The following PPM1E variants were observed in gnomAD, a reference collection of about 807,000 sequenced individuals.
PPM1E encodes the protein protein phosphatase, Mg2+/Mn2+ dependent 1E, also known as protein phosphatase 1E.
Under a neutral mutation model 65.9 loss-of-function variants are expected in PPM1E, and 20 were observed. The ratio of observed to expected loss-of-function variants is 0.30; its 90% CI spans 0.21 to 0.44. PPM1E has a LOEUF of 0.44. Among genes scored for constraint, PPM1E ranks in the 20% least tolerant of loss-of-function variants. PPM1E has a pLI of 1.00. For missense variants in PPM1E, 713 were observed against 953.1 expected (o/e 0.75, Z 3.32); for synonymous variants, 352 against 374.9 (o/e 0.94, Z 0.70).
intron 3 of PPM1E, 163 bp downstream of exon 3, chr17:58,966,056 C>G: frequency 2.9e-6 from 2 of 688,424 alleles, no homozygotes; most frequent in Non-Finnish European, 4.8e-6. Flanking sequence ...AGAAAAGGAA[C>G]TATTTTACGT....
chr17:58,948,394 C>T (rs1234845653), intron 1 of PPM1E, among the ~76,000 whole-genome samples: 1 of 152,052 alleles, frequency 6.6e-6, no homozygotes, highest in African/African-American at 2.4e-5. Flanking sequence ...TAGGCTGAAG[C>T]TTGAGGTCCA....
At chr17:58,919,444 C>T (rs1046692023) in intron 1 of PPM1E, among the ~76,000 whole-genome samples, 1 of 152,118 alleles carries the variant, frequency 6.6e-6, no homozygotes, top group African/African-American at 2.4e-5. Context: ...AATGACATAA[C>T]TAATTTTAAA....
chr17:58,771,616 C>A (rs1210131039), intron 1 of PPM1E, among the ~76,000 whole-genome samples: 2 of 144,300 alleles, frequency 1.4e-5, no homozygotes, highest in Non-Finnish European at 3.0e-5. Flanking sequence ...AGTGAGACTC[C>A]ATCTCAAAAA....
At chr17:58,934,526 T>G (rs763873672) in intron 1 of PPM1E, among the ~76,000 whole-genome samples, 17 of 152,188 alleles carry the variant, frequency 1.1e-4, no homozygotes, top group Non-Finnish European at 2.1e-4. Context: ...AGCAAATATG[T>G]ATTGAGCACT....
At chr17:58,793,805 T>A (rs1045232596) in intron 1 of PPM1E, among the ~76,000 whole-genome samples, 2 of 152,186 alleles carry the variant, frequency 1.3e-5, no homozygotes, top group Non-Finnish European at 2.9e-5. Context: ...TCCACATCGA[T>A]AAGTAGAATT....
chr17:58,967,444 C>T (rs932363578), intron 3 of PPM1E, among the ~76,000 whole-genome samples: 1 of 150,310 alleles, frequency 6.7e-6, no homozygotes, highest in Admixed American at 6.7e-5. Context: ...ATAAAAATGA[C>T]GAAAAGTAGG....
At chr17:58,891,806 A>G (rs940246058) in intron 1 of PPM1E, among the ~76,000 whole-genome samples, 3 of 123,808 alleles carry the variant, frequency 2.4e-5, no homozygotes, top group Non-Finnish European at 5.3e-5. Flanking sequence ...CAGTTTTTCT[A>G]TTATGTTTTA....
chr17:58,900,567 T>C (rs1003534304), intron 1 of PPM1E, among the ~76,000 whole-genome samples: 1 of 152,230 alleles, frequency 6.6e-6, no homozygotes, highest in Admixed American at 6.5e-5. Context: ...AGCTTTTATA[T>C]GCCCTGGGAA....
chr17:58,913,291 G>A (rs1036508274), intron 1 of PPM1E, among the ~76,000 whole-genome samples: 1 of 152,152 alleles, frequency 6.6e-6, no homozygotes, highest in Non-Finnish European at 1.5e-5. Context: ...AATGTGTTGA[G>A]TGTTGAGAGT....
At chr17:58,785,487 T>TATATATATATATATATATAGATAGATAG (rs1555609827) in intron 1 of PPM1E, 1 of 132,210 alleles carries the variant, frequency 7.6e-6, no homozygotes, top group African/African-American at 2.8e-5. Flanking sequence ...TATATATATA[T>TATATATATATATATATATAGATAGATAG]ATAGTAGAAC....
At chr17:58,862,766 A>G (rs1164318300) in intron 1 of PPM1E, among the ~76,000 whole-genome samples, 1 of 152,210 alleles carries the variant, frequency 6.6e-6, no homozygotes, top group Non-Finnish European at 1.5e-5. Flanking sequence ...TTAGGGCCCC[A>G]ATGAGTTAAA....
chr17:58,870,193 C>T (rs188677376), intron 1 of PPM1E, among the ~76,000 whole-genome samples: 4 of 152,098 alleles, frequency 2.6e-5, no homozygotes, highest in African/African-American at 9.7e-5. Flanking sequence ...GAAGAAGGAG[C>T]TGAAGGAGAA....
chr17:58,798,958 G>C (rs927318559), intron 1 of PPM1E, among the ~76,000 whole-genome samples: 6 of 152,176 alleles, frequency 3.9e-5, no homozygotes, highest in African/African-American at 9.7e-5. Flanking sequence ...AGCTCCCAAA[G>C]TGTTGGGATT....
chr17:58,905,846 G>A (rs907973850), intron 1 of PPM1E, among the ~76,000 whole-genome samples: 1 of 152,088 alleles, frequency 6.6e-6, no homozygotes, highest in East Asian at 1.9e-4. Context: ...ATGAGTAATG[G>A]TAGTCTCAGA....
chr17:58,820,200 T>C (rs1005234799), intron 1 of PPM1E, among the ~76,000 whole-genome samples: 13 of 151,950 alleles, frequency 8.6e-5, no homozygotes, highest in Non-Finnish European at 1.2e-4. Context: ...ACCTCCAACA[T>C]TGGGGATTAC....
chr17:58,836,801 C>G (rs995999057), intron 1 of PPM1E, among the ~76,000 whole-genome samples: 16 of 148,026 alleles, frequency 1.1e-4, no homozygotes, highest in Non-Finnish European at 2.2e-4. Context: ...ACGGGCGGAT[C>G]ACGAGGTCAG....
intron 4 of PPM1E, among the ~76,000 whole-genome samples, chr17:58,970,695 T>C (rs927615728): frequency 1.3e-5 from 2 of 152,150 alleles, no homozygotes; most frequent in African/African-American, 4.8e-5. Context: ...TGGATTAATA[T>C]GCAAATCCAA....
chr17:58,882,951 C>CTTTTTTTTTTTTTTTTTT (rs549698099), intron 1 of PPM1E, among the ~76,000 whole-genome samples: 23 of 98,830 alleles, frequency 2.3e-4, no homozygotes, highest in Non-Finnish European at 3.4e-4. Flanking sequence ...TTATTACTTT[C>CTTTTTTTTTTTTTTTTTT]TTTTTTTTTT....
At chr17:58,910,886 G>A (rs984099120) in intron 1 of PPM1E, among the ~76,000 whole-genome samples, 1 of 152,072 alleles carries the variant, frequency 6.6e-6, no homozygotes, top group African/African-American at 2.4e-5. Context: ...GAAGAAGAGG[G>A]TGCTCTGCCG....
Sources: gnomAD v4.1 joint callset for allele counts (sites outside exome capture counted in the v4.1 genomes callset) on GRCh38, gnomAD v4.1.1 for gene constraint, MANE v1.5 for transcripts, NCBI Gene and HGNC (gene_info 2026-07-23, HGNC 2026-07-21) for gene names.